RLIG1: variants seen among roughly 807,000 people sequenced by gnomAD.
RLIG1 encodes RNA 5'-phosphate and 3'-OH ligase 1, also known as RNA ligase 1.
the RLIG1 span, among the ~76,000 whole-genome samples, chr12:88,036,837 CTTT>C: frequency 1.3e-4 from 19 of 147,590 alleles, no homozygotes; most frequent in Non-Finnish European, 2.6e-4. Context: ...CAGTAATTGG[CTTT>C]TTTTTTTAGC....
At chr12:88,046,470 A>C in the RLIG1 span, among the ~76,000 whole-genome samples, 1 of 152,270 alleles carries the variant, frequency 6.6e-6, no homozygotes, top group East Asian at 1.9e-4. Context: ...AGGTATTTTA[A>C]GTTTTGTAGG....
the RLIG1 span, chr12:88,048,291 A>G: frequency 6.2e-7 from 1 of 1,601,392 alleles, no homozygotes; most frequent in Non-Finnish European, 8.5e-7. Context: ...CATGAATTCA[A>G]GACCAGTTAT....
the RLIG1 span, chr12:88,048,289 C>T: frequency 6.2e-7 from 1 of 1,600,248 alleles, no homozygotes; most frequent in Non-Finnish European, 8.5e-7. Flanking sequence ...TACATGAATT[C>T]AAGACCAGTT....
the RLIG1 span, chr12:88,042,476 T>C: frequency 6.2e-6 from 1 of 161,226 alleles, no homozygotes; most frequent in Admixed American, 6.5e-5. Context: ...GTGTTATGTT[T>C]GGGGGGAAGG....
the RLIG1 span, among the ~76,000 whole-genome samples, chr12:88,046,350 T>C: frequency 6.6e-6 from 1 of 152,134 alleles, no homozygotes; most frequent in Non-Finnish European, 1.5e-5. Context: ...GTTAGACAAG[T>C]TATCAGAGAT....
the RLIG1 span, chr12:88,035,658 T>G: frequency 6.2e-7 from 1 of 1,606,346 alleles, no homozygotes. Context: ...CATGAAGCGC[T>G]TGGGCTCCGT....
the RLIG1 span, chr12:88,048,131 G>A: frequency 1.2e-4 from 91 of 740,726 alleles, no homozygotes; most frequent in Non-Finnish European, 1.7e-4. Context: ...AAGATAAAGT[G>A]GAGTCTTACC....
chr12:88,037,619 A>G, the RLIG1 span, among the ~76,000 whole-genome samples: 1 of 152,218 alleles, frequency 6.6e-6, no homozygotes, highest in African/African-American at 2.4e-5. Context: ...AACCAGCATC[A>G]TAAGTTAGTG....
chr12:88,036,416 T>C, the RLIG1 span, among the ~76,000 whole-genome samples: 52 of 152,338 alleles, frequency 3.4e-4, no homozygotes, highest in East Asian at 9.2e-3. Flanking sequence ...TTCCCAACTT[T>C]GCTGATTTCA....
the RLIG1 span, chr12:88,036,056 G>T: frequency 3.5e-5 from 49 of 1,414,502 alleles, no homozygotes; most frequent in Non-Finnish European, 4.6e-5. Context: ...GCACCTTTTG[G>T]GGAAACCCCC....
At chr12:88,040,430 T>A in the RLIG1 span, among the ~76,000 whole-genome samples, 1 of 152,196 alleles carries the variant, frequency 6.6e-6, no homozygotes, top group East Asian at 1.9e-4. Context: ...GTTACTGTAT[T>A]TTCTTCCTGG....
chr12:88,037,945 A>C, the RLIG1 span, among the ~76,000 whole-genome samples: 13 of 152,314 alleles, frequency 8.5e-5, no homozygotes, highest in African/African-American at 2.9e-4. Context: ...TCCTGACAGT[A>C]GAAAAACCAT....
At chr12:88,039,704 G>A in the RLIG1 span, among the ~76,000 whole-genome samples, 2 of 152,054 alleles carry the variant, frequency 1.3e-5, no homozygotes, top group Admixed American at 1.3e-4. Flanking sequence ...GCTTGTCATA[G>A]CTAACATTAT....
chr12:88,037,513 C>G, the RLIG1 span, among the ~76,000 whole-genome samples: 2 of 152,050 alleles, frequency 1.3e-5, no homozygotes, highest in Non-Finnish European at 2.9e-5. Flanking sequence ...AATCTTCCCC[C>G]CCACATAGGA....
At chr12:88,037,347 A>T in the RLIG1 span, among the ~76,000 whole-genome samples, 2 of 151,884 alleles carry the variant, frequency 1.3e-5, no homozygotes, top group African/African-American at 4.9e-5. Flanking sequence ...TTTTTCCGGT[A>T]ATAGTCTAAA....
At chr12:88,048,381 CAG>C in the RLIG1 span, 1 of 1,569,558 alleles carries the variant, frequency 6.4e-7, no homozygotes, top group African/African-American at 1.4e-5. Flanking sequence ...AATAGATAAT[CAG>C]AAATTTGTTA....
the RLIG1 span, among the ~76,000 whole-genome samples, chr12:88,041,014 T>TC: frequency 6.6e-6 from 1 of 152,174 alleles, no homozygotes; most frequent in Non-Finnish European, 1.5e-5. Flanking sequence ...GCATTAAGTA[T>TC]GTTTACATTG....
chr12:88,048,595 A>G, the RLIG1 span: 1 of 450,388 alleles, frequency 2.2e-6, no homozygotes. Flanking sequence ...AAAACCAGCA[A>G]ATTAATTTTA....
chr12:88,035,909 G>A, the RLIG1 span: 9,913 of 1,507,614 alleles, frequency 6.6e-3, 42 homozygotes, highest in Non-Finnish European at 7.9e-3. Flanking sequence ...TACGCCCTGA[G>A]CTCCAGGTTC....
Sources: gnomAD v4.1 joint callset for allele counts (sites outside exome capture counted in the v4.1 genomes callset) on GRCh38, gnomAD v4.1.1 for gene constraint, MANE v1.5 for transcripts, NCBI Gene and HGNC (gene_info 2026-07-23, HGNC 2026-07-21) for gene names.